NAALADL2: variants seen among roughly 807,000 people sequenced by gnomAD.
NAALADL2 encodes the protein inactive N-acetylated-alpha-linked acidic dipeptidase-like protein 2.
A neutral mutation model predicts 87.2 loss-of-function variants in NAALADL2; 76 were observed. The ratio of observed to expected loss-of-function variants is 0.87; its 90% CI spans 0.72 to 1.05. The LOEUF is 1.05. Ranked by LOEUF, NAALADL2 falls within the 50% of genes least tolerant of loss-of-function variation. The pLI is 0.00. For synonymous variants in NAALADL2, 354 were observed against 331.0 expected, an observed-to-expected ratio of 1.07 and a Z score of -0.75; for missense variants, 1,089 against 945.8, an observed-to-expected ratio of 1.15 and a Z score of -1.99.
At chr3:175,001,183 T>C (rs1579953828) in intron 1 of NAALADL2, among the ~76,000 whole-genome samples, 1 of 152,190 alleles carries the variant, frequency 6.6e-6, no homozygotes, top group East Asian at 1.9e-4. Flanking sequence ...CAAATTTCAA[T>C]GTTCATAAGA....
intron 11 of NAALADL2, among the ~76,000 whole-genome samples, chr3:175,693,865 A>C (rs1188870352): frequency 6.6e-6 from 1 of 151,984 alleles, no homozygotes; most frequent in East Asian, 1.9e-4. Flanking sequence ...TGCCCAGCTA[A>C]TTTTTGTATT....
intron 1 of NAALADL2, among the ~76,000 whole-genome samples, chr3:174,945,841 ATC>A (rs1560397881): frequency 2.0e-5 from 3 of 152,020 alleles, no homozygotes; most frequent in African/African-American, 7.2e-5. Context: ...AAGTCAGGAG[ATC>A]AAGACCATCC....
chr3:174,535,636 A>G (rs1416646562), intron 1 of NAALADL2, among the ~76,000 whole-genome samples: 2 of 152,146 alleles, frequency 1.3e-5, no homozygotes, highest in Non-Finnish European at 2.9e-5. Context: ...CTTTACAGAT[A>G]AGGAAATTGG....
chr3:174,669,148 A>G (rs1431582165), intron 2 of NAALADL2, among the ~76,000 whole-genome samples: 4 of 151,968 alleles, frequency 2.6e-5, no homozygotes, highest in Non-Finnish European at 4.4e-5. Flanking sequence ...TGTGGTTTTG[A>G]TTTTCATTTC....
At chr3:174,659,658 G>C (rs1725322755) in intron 2 of NAALADL2, among the ~76,000 whole-genome samples, 1 of 152,202 alleles carries the variant, frequency 6.6e-6, no homozygotes, top group Non-Finnish European at 1.5e-5. Flanking sequence ...GATTCAGCCA[G>C]TGGGAGGCAT....
chr3:175,388,376 T>C (rs944729314), intron 5 of NAALADL2, among the ~76,000 whole-genome samples: 1 of 152,116 alleles, frequency 6.6e-6, no homozygotes, highest in Admixed American at 6.6e-5. Context: ...CATGTGAAAC[T>C]TAGTGTAGAC....
At chr3:174,780,367 T>C (rs1715797873) in intron 3 of NAALADL2, among the ~76,000 whole-genome samples, 1 of 152,174 alleles carries the variant, frequency 6.6e-6, no homozygotes, top group South Asian at 2.1e-4. Flanking sequence ...GCTTATCAGA[T>C]TAAGGAGATT....
chr3:174,528,000 T>C (rs1720918370), intron 1 of NAALADL2, among the ~76,000 whole-genome samples: 1 of 152,208 alleles, frequency 6.6e-6, no homozygotes. Flanking sequence ...TTCATTTACA[T>C]ATTGTCAGTA....
At chr3:174,728,744 A>G (rs1367663836) in intron 2 of NAALADL2, among the ~76,000 whole-genome samples, 1 of 152,094 alleles carries the variant, frequency 6.6e-6, no homozygotes, top group East Asian at 1.9e-4. Flanking sequence ...TGAAACTCAG[A>G]TCAATCGGAT....
chr3:175,396,682 C>A (rs1029756217), intron 5 of NAALADL2, among the ~76,000 whole-genome samples: 2 of 152,058 alleles, frequency 1.3e-5, no homozygotes, highest in African/African-American at 4.8e-5. Flanking sequence ...TTCCCATAAA[C>A]CCACGTGTTG....
At chr3:175,356,609 TAAAG>T (rs1764406754) in intron 5 of NAALADL2, among the ~76,000 whole-genome samples, 1 of 132,914 alleles carries the variant, frequency 7.5e-6, no homozygotes, top group South Asian at 2.2e-4. Context: ...ATAATAATAA[TAAAG>T]AAATAAAAGA....
intron 3 of NAALADL2, among the ~76,000 whole-genome samples, chr3:174,793,788 T>C (rs547206968): frequency 8.5e-5 from 13 of 152,088 alleles, no homozygotes; most frequent in African/African-American, 3.1e-4. Flanking sequence ...GAAAAAAGTT[T>C]TATGTTAGTC....
intron 3 of NAALADL2, among the ~76,000 whole-genome samples, chr3:174,738,887 A>G (rs1189086529): frequency 2.6e-5 from 4 of 152,214 alleles, no homozygotes; most frequent in Admixed American, 2.6e-4. Flanking sequence ...ATGCAATATT[A>G]CATGATGCAT....
chr3:174,843,466 G>A (rs561690156), intron 3 of NAALADL2, among the ~76,000 whole-genome samples: 7 of 151,940 alleles, frequency 4.6e-5, no homozygotes, highest in African/African-American at 9.7e-5. Context: ...TTGATTCCAC[G>A]TCTTGGCTAT....
rs140455652 is a variant in NAALADL2 at position 175,477,916 on chromosome 3, G to A, written c.1653+6158G>A. Among the ~76,000 whole-genome samples the A allele has an allele frequency of 4.6e-3, 705 of 151,966 alleles. 2 individuals carry two copies. Among genetic ancestry groups the A allele is most frequent in the Middle Eastern group, 0.01 (3 of 292 alleles). ...TTTTTTTCCACAAGAATTGTTGACC[G>A]AATATATAGTAGCAGATCACAGAAG... On this transcript the variant is annotated intron_variant, in intron 9 of 13. Coordinates refer to ENST00000454872, the MANE Select transcript of NAALADL2 (RefSeq NM_207015.3).
intron 2 of NAALADL2, among the ~76,000 whole-genome samples, chr3:175,229,776 T>A (rs1266132488): frequency 6.6e-6 from 1 of 152,040 alleles, no homozygotes; most frequent in African/African-American, 2.4e-5. Flanking sequence ...GGATGGCATT[T>A]CTTCCCAAAT....
intron 2 of NAALADL2, among the ~76,000 whole-genome samples, chr3:174,663,544 G>A (rs1725696434): frequency 6.6e-6 from 1 of 152,044 alleles, no homozygotes; most frequent in Non-Finnish European, 1.5e-5. Context: ...AGACAGAGGG[G>A]AGAGAGGTCC....
intron 5 of NAALADL2, among the ~76,000 whole-genome samples, chr3:175,433,130 C>T (rs1400774317): frequency 2.0e-5 from 3 of 151,982 alleles, no homozygotes; most frequent in Non-Finnish European, 2.9e-5. Flanking sequence ...TGTTTCCATC[C>T]CAAGCCACAA....
intron 1 of NAALADL2, among the ~76,000 whole-genome samples, chr3:174,874,231 A>G (rs1728203058): frequency 1.3e-5 from 2 of 152,150 alleles, no homozygotes; most frequent in East Asian, 1.9e-4. Context: ...CACATGTTAT[A>G]GAAGTTATCT....
Sources: gnomAD v4.1 joint callset for allele counts (sites outside exome capture counted in the v4.1 genomes callset) on GRCh38, gnomAD v4.1.1 for gene constraint, MANE v1.5 for transcripts, NCBI Gene and HGNC (gene_info 2026-07-23, HGNC 2026-07-21) for gene names.